Variants in FGF16 observed in about 807,000 individuals in gnomAD.
FGF16 encodes fibroblast growth factor 16.
In FGF16, 2 loss-of-function variants were observed where a neutral mutation model predicts 8.5. That is an observed-to-expected ratio of 0.24 (90% CI 0.10 to 0.75). FGF16 has a LOEUF of 0.75. Among genes scored for constraint, FGF16 ranks in the 30% least tolerant of loss-of-function variants. FGF16 has a pLI of 0.74. For synonymous variants in FGF16, 33 were observed against 34.6 expected (o/e 0.95, Z 0.16); for missense variants, 79 against 87.4 (o/e 0.90, Z 0.38).
At chrX:77,448,587 C>G (rs946015485) in intron 1 of FGF16, among the ~76,000 whole-genome samples, 7 of 111,624 alleles carry the variant, frequency 6.3e-5, no homozygotes, top group African/African-American at 2.3e-4. Flanking sequence ...GAAACTACCT[C>G]TGGACTCCTT....
intron 1 of FGF16, among the ~76,000 whole-genome samples, chrX:77,451,837 A>G (rs782697906): frequency 3.2e-4 from 36 of 112,409 alleles, no homozygotes; most frequent in Admixed American, 1.0e-3. Context: ...TCCCCATTGC[A>G]GAGATGGGTA....
intron 1 of FGF16, 80 bp downstream of exon 1, chrX:77,448,028 C>T (rs907627473): frequency 3.4e-6 from 1 of 297,246 alleles, no homozygotes. Context: ...GGCGTAGGGC[C>T]CGCAGACCGC....
At chrX:77,448,036 C>T (rs1369797705) in intron 1 of FGF16, 88 bp downstream of exon 1, 2 of 296,301 alleles carry the variant, frequency 6.7e-6, no homozygotes, top group Non-Finnish European at 1.2e-5. Context: ...GCCCGCAGAC[C>T]GCCCCCGGGC....
intron 1 of FGF16, among the ~76,000 whole-genome samples, chrX:77,452,081 C>A (rs1383242802): frequency 1.8e-5 from 2 of 112,143 alleles, no homozygotes; most frequent in Non-Finnish European, 3.8e-5. Context: ...CTCCCCCAAC[C>A]AAACCCCAAA....
In FGF16 at chrX:77,454,272, GTTTTTTTT is replaced by G. The variant is rs782034788; in HGVS notation, c.378+35_378+42del. The G allele has an allele frequency of 8.4e-5, 13 of 154,025 alleles. No individual in the cohort carries two copies. The highest frequency in any genetic ancestry group is 5.6e-4 in the East Asian group (2 of 3,556). 12.7% of individuals were successfully genotyped at this position (154,025 alleles called of 1,213,427 possible). ...AACTCTATGGGTCGGTAAGTTTAAG[GTTTTTTTT>G]TTTTTTTTTTTTTTTTTTTTTTGGT... On this transcript the variant is annotated intron_variant, in intron 2 of 2. Transcript: ENST00000439435.
At chrX:77,448,762 C>T (rs1343196986) in intron 1 of FGF16, among the ~76,000 whole-genome samples, 1 of 112,039 alleles carries the variant, frequency 8.9e-6, no homozygotes, top group Non-Finnish European at 1.9e-5. Context: ...ACTAATTACA[C>T]AATTAATATA....
intron 1 of FGF16, among the ~76,000 whole-genome samples, chrX:77,452,931 G>T (rs782157557): frequency 9.0e-6 from 1 of 110,668 alleles, no homozygotes; most frequent in African/African-American, 3.3e-5. Context: ...TAAAAAATTA[G>T]CTGGGTGTGG....
intron 2 of FGF16, among the ~76,000 whole-genome samples, chrX:77,455,692 C>T (rs184790510): frequency 3.6e-5 from 4 of 111,507 alleles, no homozygotes; most frequent in African/African-American, 9.8e-5. Context: ...AGTAGTATGG[C>T]GGTTGGATCA....
chrX:77,452,416 C>T (rs1304966057), intron 1 of FGF16, among the ~76,000 whole-genome samples: 1 of 112,618 alleles, frequency 8.9e-6, no homozygotes, highest in Admixed American at 9.4e-5. Context: ...CCCCTCCTAC[C>T]GTCTTGTCTC....
chrX:77,453,453 T>C (rs1346833383), intron 1 of FGF16, among the ~76,000 whole-genome samples: 7 of 112,347 alleles, frequency 6.2e-5, no homozygotes, highest in Non-Finnish European at 9.4e-5. Context: ...CAAATCAGTA[T>C]TGAGTCCAAT....
chrX:77,449,655 A>T (rs941889630), intron 1 of FGF16, among the ~76,000 whole-genome samples: 1 of 111,877 alleles, frequency 8.9e-6, no homozygotes, highest in Admixed American at 9.5e-5. Flanking sequence ...AGTAACCTAC[A>T]AGGTCAACAT....
At chrX:77,453,230 G>C (rs1397627060) in intron 1 of FGF16, among the ~76,000 whole-genome samples, 1 of 112,088 alleles carries the variant, frequency 8.9e-6, no homozygotes, top group Non-Finnish European at 1.9e-5. Context: ...GAGGAATCTA[G>C]TTGACTATTA....
At chrX:77,454,661 A>C (rs924050052) in intron 2 of FGF16, among the ~76,000 whole-genome samples, 1 of 103,560 alleles carries the variant, frequency 9.7e-6, no homozygotes, top group Admixed American at 1.1e-4. Context: ...TCTCAAAAAA[A>C]AAAGAAATTT....
Position 77,454,229 on chromosome X carries a change from G to C in FGF16, c.347G>C (p.Gly116Ala). The C allele has an allele frequency of 9.7e-7, 1 of 1,032,441 alleles. No individual in the cohort carries two copies. Among genetic ancestry groups the C allele is most frequent in the South Asian group, 1.9e-5 (1 of 52,276 alleles). The allele number at this position is 1,032,441 out of a possible 1,213,427, so 85.1% of individuals were successfully genotyped here. A position where few individuals can be genotyped will look rare whatever the true frequency, so the allele number is the denominator to read the frequency against. The change falls in exon 2 of 3, where the codon GGA becomes GCA. Residue 116 changes from glycine to alanine, a missense_variant. Coordinates refer to ENST00000439435, the MANE Select transcript of FGF16 (RefSeq NM_003868.3). ...IRGVDSGLYL[G>A]MNERGELYGS... Reference sequence around the variant, plus strand: ...GGAGTGGACTCTGGCCTGTACCTAGGAATGAATGAGCGAGGAGAACTCTAT... The same window carrying C: ...GGAGTGGACTCTGGCCTGTACCTAGCAATGAATGAGCGAGGAGAACTCTAT...
Position 77,456,676 on chromosome X carries a change from G to T in FGF16, c.*154G>T, listed in dbSNP as rs1557027161. On this transcript the variant is annotated 3_prime_UTR_variant, in exon 3 of 3. Transcript: ENST00000439435. ...AACTCAACCCAGCTGTTCCCTTGTT[G>T]TTCAAAGTGTATATCAAGGTTGGGT... 1.7e-5 allele frequency: 9 copies of T among 519,343 alleles called. No homozygotes were observed. The highest frequency in any genetic ancestry group is 2.5e-5 in the Non-Finnish European group (8 of 321,892). 42.8% of individuals were successfully genotyped at this position (519,343 alleles called of 1,213,427 possible).
rs1188077408 is a variant in FGF16 at position 77,447,553 on chromosome X, G to C, written c.-122G>C. 7.0e-6 allele frequency: 2 copies of C among 285,159 alleles called. No homozygotes were observed. The highest frequency in any genetic ancestry group is 1.3e-4 in the Admixed American group (2 of 15,986). The allele number at this position is 285,159 out of a possible 1,213,427, so 23.5% of individuals were successfully genotyped here. On this transcript the variant is annotated 5_prime_UTR_variant, in exon 1 of 3. Coordinates refer to ENST00000439435, the MANE Select transcript of FGF16 (RefSeq NM_003868.3). ...CAGCTCGGCAGAGCGCGGAGCAAGC[G>C]AGCTAGCGAGGGAGCGCCGCCGAAC...
At position 77,456,513 on chromosome X, in the gene FGF16, C is replaced by A. The variant is rs782565867; in HGVS notation, c.615C>A (p.His205Gln). The change falls in exon 3 of 3, where the codon CAC becomes CAA. Residue 205 changes from histidine to glutamine, a missense_variant. Transcript: ENST00000439435. ...KLPSMSRDLFHYR is the reference protein window; with the variant it reads ...KLPSMSRDLFQYR ...CCTCCATGTCCAGAGACCTCTTTCA[C>A]TATAGGTAATGAACCTCTGGTGTGC... The A allele has an allele frequency of 8.3e-7, 1 of 1,210,271 alleles. No homozygotes were observed. The highest frequency in any genetic ancestry group is 1.8e-5 in the South Asian group (1 of 56,873).
chrX:77,448,325 G>C (rs782703739), intron 1 of FGF16, among the ~76,000 whole-genome samples: 1 of 112,829 alleles, frequency 8.9e-6, no homozygotes, highest in Non-Finnish European at 1.9e-5. Flanking sequence ...GCCGAGCCTC[G>C]AAGGCAGCAG....
chrX:77,450,063 T>C (rs1202669454), intron 1 of FGF16, among the ~76,000 whole-genome samples: 1 of 112,386 alleles, frequency 8.9e-6, no homozygotes, highest in Non-Finnish European at 1.9e-5. Context: ...CGTTCAAGTT[T>C]GCTAACTCTT....
Sources: allele counts gnomAD v4.1 joint callset (sites outside exome capture counted in the v4.1 genomes callset), GRCh38; gene constraint gnomAD v4.1.1; transcripts MANE v1.5; gene names NCBI Gene and HGNC (gene_info 2026-07-23, HGNC 2026-07-21).